The following MAP3K5 variants were observed in gnomAD, a reference collection of about 807,000 sequenced individuals.
The protein encoded by MAP3K5 is ASK-1.
MAP3K5 carries 56 observed loss-of-function variants against 158.7 expected under a neutral mutation model. The ratio of observed to expected loss-of-function variants is 0.35; its 90% CI spans 0.28 to 0.44. The LOEUF is 0.44. Among genes scored for constraint, MAP3K5 ranks in the 20% least tolerant of loss-of-function variants. MAP3K5 has a pLI of 1.00. For missense variants in MAP3K5, 1,294 were observed against 1,674.8 expected (o/e 0.77, Z 3.97); for synonymous variants, 579 against 601.7 (o/e 0.96, Z 0.55).
intron 2 of MAP3K5, among the ~76,000 whole-genome samples, chr6:136,720,154 C>T (rs1447304808): frequency 6.6e-6 from 1 of 152,106 alleles, no homozygotes; most frequent in Non-Finnish European, 1.5e-5. Context: ...CTTGACCATA[C>T]CTTATGCAAT....
In MAP3K5 at chr6:136,636,804, A is replaced by G. The variant is rs59642889; in HGVS notation, c.2016+521T>C. 16 of 977,152 alleles carry G rather than the reference A, an allele frequency of 1.6e-5. No individual in the cohort carries two copies. In the African/African-American group the frequency reaches 2.4e-4, roughly 15 times the overall value. 60.5% of individuals were successfully genotyped at this position (977,152 alleles called of 1,614,324 possible). On this transcript the variant is annotated intron_variant, in intron 14 of 29. Transcript: ENST00000359015. ...TAAAAATAAAAATAAAAACCATATA[A>G]AAGTAGGTATCCATAGTGCTCTGTG...
chr6:136,645,516 G>C (rs1054303188), intron 11 of MAP3K5, among the ~76,000 whole-genome samples: 5 of 147,740 alleles, frequency 3.4e-5, no homozygotes, highest in Non-Finnish European at 7.7e-5. Flanking sequence ...ACCCCCAAAA[G>C]GGGGGGAAAT....
At chr6:136,654,897 A>T (rs1337043327) in intron 10 of MAP3K5, among the ~76,000 whole-genome samples, 1 of 152,118 alleles carries the variant, frequency 6.6e-6, no homozygotes, top group Non-Finnish European at 1.5e-5. Context: ...AAACAAAAAT[A>T]TCCATTTTTT....
intron 15 of MAP3K5, among the ~76,000 whole-genome samples, chr6:136,619,595 AT>A (rs1776714473): frequency 6.6e-6 from 1 of 152,128 alleles, no homozygotes; most frequent in South Asian, 2.1e-4. Context: ...CTGACACATC[AT>A]TATCACTACA....
At chr6:136,586,450 T>C (rs9389409) in intron 23 of MAP3K5, among the ~76,000 whole-genome samples, 18,485 of 152,296 alleles carry the variant, frequency 0.12, 1,402 homozygotes, top group East Asian at 0.32. Context: ...GGGAAATGTT[T>C]TCTGTTCAGA....
intron 14 of MAP3K5, among the ~76,000 whole-genome samples, chr6:136,625,831 CTTCA>C (rs139030218): frequency 0.068 from 10,330 of 152,028 alleles, 1,014 homozygotes; most frequent in African/African-American, 0.22. Flanking sequence ...ATCCTCAAGA[CTTCA>C]TTAAGTCAGA....
Position 136,720,566 on chromosome 6 carries a change from C to A in MAP3K5, c.472G>T (p.Asp158Tyr). ...NADIAVVEMSDAFRQPSLFYH... is the reference protein window; with the variant it reads ...NADIAVVEMSYAFRQPSLFYH... ...AACAAGGACGGCTGCCGGAAGGCATCGCTCATCTCCACCACCGCAATATCT... is the reference window on the plus strand; with the variant it reads ...AACAAGGACGGCTGCCGGAAGGCATAGCTCATCTCCACCACCGCAATATCT... Residue 158 changes from aspartate to tyrosine, a missense_variant, in exon 2 of 30, where the codon GAT becomes TAT. This residue lies in a region of MAP3K5 where 690 missense variants were observed against 870.5 expected (regional missense o/e 0.79). Transcript: ENST00000359015. 6.2e-7 allele frequency: 1 copy of A among 1,611,544 alleles called. No individual in the cohort carries two copies. The highest frequency in any genetic ancestry group is 8.5e-7 in the Non-Finnish European group (1 of 1,178,966).
chr6:136,661,757 T>C (rs1779015870), intron 8 of MAP3K5, among the ~76,000 whole-genome samples: 1 of 152,066 alleles, frequency 6.6e-6, no homozygotes, highest in Admixed American at 6.5e-5. Flanking sequence ...GCCAGGCTCA[T>C]CTCGAACTCC....
chr6:136,779,687 A>C (rs910680048), intron 1 of MAP3K5, among the ~76,000 whole-genome samples: 2 of 152,180 alleles, frequency 1.3e-5, no homozygotes, highest in Non-Finnish European at 2.9e-5. Flanking sequence ...TAAACTACTG[A>C]GGGTCCCATA....
At chr6:136,596,998 T>C (rs1775661931) in intron 21 of MAP3K5, among the ~76,000 whole-genome samples, 1 of 152,120 alleles carries the variant, frequency 6.6e-6, no homozygotes, top group Non-Finnish European at 1.5e-5. Flanking sequence ...CCTGGCAGGA[T>C]TTCCAGTCAC....
At chr6:136,612,425 T>A (rs1274555520) in intron 17 of MAP3K5, among the ~76,000 whole-genome samples, 1 of 152,160 alleles carries the variant, frequency 6.6e-6, no homozygotes, top group Non-Finnish European at 1.5e-5. Flanking sequence ...TAAATTACGA[T>A]TTTCATAACT....
intron 14 of MAP3K5, among the ~76,000 whole-genome samples, chr6:136,627,614 T>G (rs1353416007): frequency 6.6e-6 from 1 of 152,134 alleles, no homozygotes; most frequent in Non-Finnish European, 1.5e-5. Flanking sequence ...ATGAATGGGA[T>G]TAGTCCCCTT....
At chr6:136,757,140 G>C (rs974692175) in intron 1 of MAP3K5, among the ~76,000 whole-genome samples, 1 of 152,192 alleles carries the variant, frequency 6.6e-6, no homozygotes, top group Non-Finnish European at 1.5e-5. Context: ...TAGGGTTCCA[G>C]CCTGGCTCAC....
intron 8 of MAP3K5, among the ~76,000 whole-genome samples, chr6:136,664,813 C>T (rs1369561443): frequency 6.6e-6 from 1 of 152,184 alleles, no homozygotes; most frequent in Admixed American, 6.5e-5. Context: ...CACCTGTAAT[C>T]CCAGCTACTT....
At chr6:136,753,119 C>T (rs1582642860) in intron 1 of MAP3K5, among the ~76,000 whole-genome samples, 1 of 152,290 alleles carries the variant, frequency 6.6e-6, no homozygotes, top group South Asian at 2.1e-4. Flanking sequence ...TATTTATCTG[C>T]CTGTTTATTG....
At chr6:136,666,098 GA>G (rs1271724557) in intron 8 of MAP3K5, among the ~76,000 whole-genome samples, 1 of 152,150 alleles carries the variant, frequency 6.6e-6, no homozygotes, top group African/African-American at 2.4e-5. Flanking sequence ...TTGCAAAGGT[GA>G]AAACAGGAAG....
intron 7 of MAP3K5, among the ~76,000 whole-genome samples, chr6:136,691,207 ATTTG>A (rs1181617720): frequency 4.6e-5 from 7 of 151,860 alleles, no homozygotes; most frequent in Non-Finnish European, 7.4e-5. Flanking sequence ...GCTGTTTTTT[ATTTG>A]TTTGTTTGTT....
chr6:136,670,942 C>T (rs992443022), intron 7 of MAP3K5, among the ~76,000 whole-genome samples: 2 of 152,076 alleles, frequency 1.3e-5, no homozygotes, highest in Middle Eastern at 3.2e-3. Context: ...AGTATATACA[C>T]CTAGACTACA....
At chr6:136,558,176 A>C (rs993811690) in intron 29 of MAP3K5, among the ~76,000 whole-genome samples, 4 of 152,192 alleles carry the variant, frequency 2.6e-5, no homozygotes, top group Non-Finnish European at 4.4e-5. Context: ...CAGGAGATCG[A>C]GACCATCCTG....
Sources: allele counts gnomAD v4.1 joint callset (sites outside exome capture counted in the v4.1 genomes callset), GRCh38; gene constraint gnomAD v4.1.1; regional missense constraint gnomAD v4.1.1; transcripts MANE v1.5; gene names NCBI Gene and HGNC (gene_info 2026-07-23, HGNC 2026-07-21).